Variants in KLF8 observed in about 807,000 individuals in gnomAD.
KLF8 encodes KLF transcription factor 8, also known as Krueppel-like factor 8.
KLF8 carries 10 observed loss-of-function variants against 18.2 expected under a neutral mutation model. The ratio of observed to expected loss-of-function variants is 0.55; its 90% CI spans 0.34 to 0.93. The LOEUF (loss-of-function observed/expected upper bound fraction) is 0.93, where lower values mean the gene tolerates loss of function less well. Ranked by LOEUF, KLF8 falls within the 40% of genes least tolerant of loss-of-function variation. The pLI, the probability that KLF8 is intolerant of heterozygous loss-of-function variation, is 0.02. For synonymous variants in KLF8, 109 were observed against 97.3 expected (o/e 1.12, Z -0.71); for missense variants, 264 against 277.9 (o/e 0.95, Z 0.36).
the KLF8 span, among the ~76,000 whole-genome samples, chrX:56,052,949 G>C: frequency 1.6e-4 from 18 of 112,042 alleles, no homozygotes; most frequent in African/African-American, 5.5e-4. Context: ...TCCGAGCCAG[G>C]TGTGGGATAT....
the KLF8 span, among the ~76,000 whole-genome samples, chrX:55,986,252 G>A: frequency 2.7e-5 from 3 of 111,580 alleles, no homozygotes; most frequent in East Asian, 5.6e-4. Flanking sequence ...TTGCCTATTC[G>A]GTGTGATATT....
the KLF8 span, among the ~76,000 whole-genome samples, chrX:56,181,676 G>A: frequency 6.3e-5 from 7 of 110,945 alleles, no homozygotes; most frequent in African/African-American, 1.3e-4. Flanking sequence ...AAAATCTTTC[G>A]GCATTTGCGT....
intron 3 of KLF8, chrX:56,266,719 A>C: frequency 5.3e-6 from 4 of 753,106 alleles, no homozygotes; most frequent in Non-Finnish European, 6.3e-6. Context: ...CCTCTAAAGC[A>C]GGCTGATAAT....
the KLF8 span, among the ~76,000 whole-genome samples, chrX:56,177,065 G>T: frequency 9.0e-6 from 1 of 111,139 alleles, no homozygotes; most frequent in Non-Finnish European, 1.9e-5. Context: ...CTTTAGCTCG[G>T]AGTAGTTTGA....
the KLF8 span, among the ~76,000 whole-genome samples, chrX:56,128,751 G>A: frequency 8.9e-6 from 1 of 111,733 alleles, no homozygotes; most frequent in African/African-American, 3.3e-5. Flanking sequence ...ATTCAGTCTA[G>A]ATTAGAAAAA....
chrX:56,249,068 G>A (rs185275255), intron 1 of KLF8, among the ~76,000 whole-genome samples: 13 of 112,327 alleles, frequency 1.2e-4, no homozygotes, highest in Admixed American at 1.9e-4. Context: ...TTGGAAGTCA[G>A]TTTTCTTAAT....
the KLF8 span, among the ~76,000 whole-genome samples, chrX:56,109,871 C>T: frequency 9.0e-6 from 1 of 110,616 alleles, no homozygotes; most frequent in East Asian, 2.8e-4. Context: ...TGGTTTGCTG[C>T]ACCTGCAACC....
chrX:56,227,520 T>G (rs369759744), upstream of KLF8, among the ~76,000 whole-genome samples: 2 of 110,585 alleles, frequency 1.8e-5, no homozygotes, highest in African/African-American at 6.6e-5. Context: ...AATTTTTGTA[T>G]TTTTAGTAGA....
the KLF8 span, among the ~76,000 whole-genome samples, chrX:56,184,229 C>A: frequency 0.52 from 57,642 of 111,412 alleles, 13,109 homozygotes; most frequent in Non-Finnish European, 0.71. Context: ...TATCCTGCAC[C>A]TGGCTCAGAG....
the KLF8 span, among the ~76,000 whole-genome samples, chrX:56,019,822 G>A: frequency 1.8e-5 from 2 of 112,028 alleles, no homozygotes; most frequent in African/African-American, 6.5e-5. Context: ...GTAACACATA[G>A]TTAGACAGAC....
the KLF8 span, among the ~76,000 whole-genome samples, chrX:56,220,449 C>T: frequency 9.0e-6 from 1 of 110,863 alleles, no homozygotes; most frequent in Non-Finnish European, 1.9e-5. Flanking sequence ...AGTTGGTTTG[C>T]TTTTGTTTTT....
At chrX:56,010,185 GA>G in the KLF8 span, among the ~76,000 whole-genome samples, 2 of 111,098 alleles carry the variant, frequency 1.8e-5, no homozygotes, top group African/African-American at 3.3e-5. Context: ...TGAAATGAAC[GA>G]AAAAAATGTT....
the KLF8 span, among the ~76,000 whole-genome samples, chrX:56,149,322 G>A: frequency 8.9e-6 from 1 of 111,829 alleles, no homozygotes; most frequent in Non-Finnish European, 1.9e-5. Context: ...GAGATTCAAA[G>A]GGAGAGGGTA....
At chrX:55,933,943 A>T in the KLF8 span, among the ~76,000 whole-genome samples, 1 of 112,258 alleles carries the variant, frequency 8.9e-6, no homozygotes, top group Non-Finnish European at 1.9e-5. Flanking sequence ...AAATTGCAGC[A>T]TGGATAGGTC....
the KLF8 span, among the ~76,000 whole-genome samples, chrX:56,089,092 A>T: frequency 9.0e-6 from 1 of 110,741 alleles, no homozygotes; most frequent in Admixed American, 9.7e-5. Flanking sequence ...AGTCATCCCC[A>T]CTGCAGTATT....
At position 56,286,075 on chromosome X, in the gene KLF8, C is replaced by A. The variant is rs1365924704; in HGVS notation, c.*1581C>A. On this transcript the variant is annotated 3_prime_UTR_variant, in exon 6 of 6. Transcript: ENST00000468660. ...TCATATTTTACAGATGAGACAAATA[C>A]GGGTCAGATTTTTTTCTCCAGATGT... The A allele has an allele frequency of 9.0e-6, 1 of 111,095 alleles. No individual in the cohort carries two copies. Among genetic ancestry groups the A allele is most frequent in the Non-Finnish European group, 1.9e-5 (1 of 53,016 alleles). 9.2% of individuals were successfully genotyped at this position (111,095 alleles called of 1,213,427 possible). A position where few individuals can be genotyped will look rare whatever the true frequency, so the allele number is the denominator to read the frequency against.
chrX:56,267,957 C>T (rs2066992786), intron 3 of KLF8: 1 of 110,473 alleles, frequency 9.1e-6, no homozygotes, highest in South Asian at 3.9e-4. Flanking sequence ...CATCCCCCTC[C>T]CCACTAGCCA....
At chrX:56,104,034 A>G in the KLF8 span, among the ~76,000 whole-genome samples, 1 of 111,929 alleles carries the variant, frequency 8.9e-6, no homozygotes, top group Middle Eastern at 4.2e-3. Context: ...GCATATGTTG[A>G]ACCAACCTTG....
chrX:56,211,929 T>C, the KLF8 span, among the ~76,000 whole-genome samples: 2 of 110,855 alleles, frequency 1.8e-5, no homozygotes, highest in African/African-American at 6.6e-5. Flanking sequence ...GAATCTCACC[T>C]GAATCTAGCA....
Sources: gnomAD v4.1 joint callset for allele counts (sites outside exome capture counted in the v4.1 genomes callset) on GRCh38, gnomAD v4.1.1 for gene constraint, MANE v1.5 for transcripts, NCBI Gene and HGNC (gene_info 2026-07-23, HGNC 2026-07-21) for gene names.